PALS1: variants seen among roughly 807,000 people sequenced by gnomAD.
The protein encoded by PALS1 is protein associated with LIN7 1, MAGUK p55 family member.
Under a neutral mutation model 78.9 loss-of-function variants are expected in PALS1, and 31 were observed. That is an observed-to-expected ratio of 0.39 (90% CI 0.30 to 0.53). The LOEUF (loss-of-function observed/expected upper bound fraction) is 0.53, where lower values mean the gene tolerates loss of function less well. Ranked by LOEUF, PALS1 falls within the 20% of genes least tolerant of loss-of-function variation. PALS1 has a pLI of 0.67. For missense variants in PALS1, 704 were observed against 826.5 expected (o/e 0.85, Z 1.82); for synonymous variants, 276 against 270.9 (o/e 1.02, Z -0.18).
At chr14:67,301,165 T>C (rs967599632) in intron 4 of PALS1, among the ~76,000 whole-genome samples, 4 of 152,176 alleles carry the variant, frequency 2.6e-5, no homozygotes, top group Non-Finnish European at 5.9e-5. Flanking sequence ...ATTTTGTCTA[T>C]AGGCGTAAGT....
Position 67,333,764 on chromosome 14 carries a change from T to C in PALS1, c.*808T>C, listed in dbSNP as rs947904155. 6 of 152,614 alleles carry C rather than the reference T, an allele frequency of 3.9e-5. No individual in the cohort carries two copies. The highest frequency in any genetic ancestry group is 8.8e-5 in the Non-Finnish European group (6 of 68,028). The allele number at this position is 152,614 out of a possible 1,614,324, so 9.5% of individuals were successfully genotyped here. A position where few individuals can be genotyped will look rare whatever the true frequency, so the allele number is the denominator to read the frequency against. On this transcript the variant is annotated 3_prime_UTR_variant, in exon 15 of 15. Coordinates refer to ENST00000261681, the MANE Select transcript of PALS1 (RefSeq NM_022474.4). ...CCCTCATCAGCATAGTATAATAGAA[T>C]GTATGTTACATTTTTATGAATGGCA... is the stretch of plus-strand genomic sequence containing the variant.
intron 8 of PALS1, 141 bp downstream of exon 8, chr14:67,303,740 A>C: frequency 1.5e-6 from 1 of 663,786 alleles, no homozygotes; most frequent in Non-Finnish European, 2.6e-6. Flanking sequence ...ATGAAATATC[A>C]ATGTTTTAAA....
chr14:67,327,011 C>G (rs2085368458), intron 14 of PALS1, among the ~76,000 whole-genome samples: 1 of 151,946 alleles, frequency 6.6e-6, no homozygotes, highest in Non-Finnish European at 1.5e-5. Flanking sequence ...CCCGTCTCTA[C>G]TAAAAATACA....
chr14:67,335,520 G>A lies in PALS1; in HGVS notation c.*2564G>A, dbSNP rs2085517383. ...ATTTTCGTTGTCAGAACAAATGGAA[G>A]GAGAATATTATTTAGACTAATCCAG... On this transcript the variant is annotated 3_prime_UTR_variant, in exon 15 of 15. Coordinates refer to ENST00000261681, the MANE Select transcript of PALS1 (RefSeq NM_022474.4). 1 of 152,646 alleles carries A rather than the reference G, an allele frequency of 6.6e-6. No individual in the cohort carries two copies. Among genetic ancestry groups the A allele is most frequent in the Non-Finnish European group, 1.5e-5 (1 of 68,046 alleles). 9.5% of individuals were successfully genotyped at this position (152,646 alleles called of 1,614,324 possible). A position where few individuals can be genotyped will look rare whatever the true frequency, so the allele number is the denominator to read the frequency against.
chr14:67,307,313 A>G (rs566324322), intron 8 of PALS1, among the ~76,000 whole-genome samples: 1 of 152,308 alleles, frequency 6.6e-6, no homozygotes, highest in Non-Finnish European at 1.5e-5. Context: ...ATACTATAAT[A>G]ATATGTAGGG....
rs756259454 is a variant in PALS1, at chr14:67,279,221, A to C, written c.51A>C (p.Glu17Asp). ...ATGTTACAGAGGAATCAGACAGCGAAGTAAAAAATGTTGATCTTGCATCAC... is the reference window on the plus strand; with the variant it reads ...ATGTTACAGAGGAATCAGACAGCGACGTAAAAAATGTTGATCTTGCATCAC... ...NGHVTEESDSEVKNVDLASPE... is the reference protein window; with the variant it reads ...NGHVTEESDSDVKNVDLASPE... Residue 17 changes from glutamate (E) to aspartate (D), a missense_variant, in exon 3 of 15, where the codon GAA (glutamate) becomes GAC (aspartate). Glu to Asp is a conservative substitution (Grantham distance 45, BLOSUM62 2). Coordinates refer to ENST00000261681, the MANE Select transcript of PALS1 (RefSeq NM_022474.4). 1 of 1,612,574 alleles carries C rather than the reference A, an allele frequency of 6.2e-7. No homozygotes were observed.
chr14:67,248,570 C>T (rs1350172597), intron 1 of PALS1, among the ~76,000 whole-genome samples: 1 of 152,156 alleles, frequency 6.6e-6, no homozygotes, highest in Non-Finnish European at 1.5e-5. Context: ...TAGTCTCAAA[C>T]ACCCTCAAAG....
intron 11 of PALS1, 53 bp from the exon 12 acceptor site, chr14:67,320,177 T>G: frequency 1.3e-6 from 2 of 1,556,408 alleles, no homozygotes; most frequent in East Asian, 2.3e-5. Context: ...TATTTATATC[T>G]TTAATACATG....
At chr14:67,244,205 T>A (rs2083950220) in intron 1 of PALS1, among the ~76,000 whole-genome samples, 1 of 152,220 alleles carries the variant, frequency 6.6e-6, no homozygotes, top group Non-Finnish European at 1.5e-5. Context: ...TTAATGAATA[T>A]CTTTGTGTAT....
intron 2 of PALS1, among the ~76,000 whole-genome samples, chr14:67,277,043 G>A (rs118189099): frequency 0.012 from 1,832 of 152,184 alleles, 19 homozygotes; most frequent in Non-Finnish European, 0.018. Flanking sequence ...ATCCACTCCT[G>A]GATTTTTAAA....
intron 1 of PALS1, among the ~76,000 whole-genome samples, chr14:67,251,375 A>G (rs1396743984): frequency 3.3e-5 from 5 of 152,172 alleles, no homozygotes; most frequent in African/African-American, 1.2e-4. Flanking sequence ...TCTACAAAAA[A>G]TACGAAAATT....
rs748740188 is a variant in PALS1, at chr14:67,277,599, T to TG, written c.-153-1418dup. 3.3e-5 allele frequency among the ~76,000 whole-genome samples: 5 copies of TG among 150,996 alleles called. No individual in the cohort carries two copies. In the East Asian group the frequency reaches 9.7e-4, roughly 29 times the overall value. On this transcript the variant is annotated intron_variant, in intron 2 of 14. Transcript: ENST00000261681. ...TACTGTAAATATTATTGCTCTTGAG[T>TG]GAAAAAAAAAAGGCTAATTAGATTT...
At chr14:67,267,970 A>T (rs997136793) in intron 1 of PALS1, among the ~76,000 whole-genome samples, 27 of 151,972 alleles carry the variant, frequency 1.8e-4, no homozygotes, top group African/African-American at 6.0e-4. Context: ...TTTTTTATTT[A>T]TTCATTCCCA....
chr14:67,320,533 T>G, intron 12 of PALS1, 136 bp downstream of exon 12: 1 of 772,014 alleles, frequency 1.3e-6, no homozygotes, highest in Non-Finnish European at 1.9e-6. Context: ...TAACCAAAGA[T>G]TTTGACAATT....
intron 8 of PALS1, among the ~76,000 whole-genome samples, chr14:67,304,522 A>G (rs1463300090): frequency 2.0e-5 from 3 of 152,212 alleles, no homozygotes. Flanking sequence ...AATTATGCTG[A>G]GCGAAGGAAG....
chr14:67,303,225 A>C (rs1301970425), intron 7 of PALS1, among the ~76,000 whole-genome samples: 2 of 152,208 alleles, frequency 1.3e-5, no homozygotes, highest in Non-Finnish European at 2.9e-5. Flanking sequence ...TTTTGAGTGC[A>C]ATTTATGATC....
At chr14:67,282,229 C>CTGTACAT (rs2084617329) in intron 3 of PALS1, among the ~76,000 whole-genome samples, 1 of 152,048 alleles carries the variant, frequency 6.6e-6, no homozygotes, top group Non-Finnish European at 1.5e-5. Context: ...AATCTGCTAA[C>CTGTACAT]ACATCAAACT....
At chr14:67,320,457 C>A in intron 12 of PALS1, 60 bp downstream of exon 12, 2 of 1,443,800 alleles carry the variant, frequency 1.4e-6, no homozygotes, top group South Asian at 3.1e-5. Context: ...CAGAACCTAA[C>A]TATATCATGT....
intron 9 of PALS1, among the ~76,000 whole-genome samples, chr14:67,313,856 T>C (rs1566572564): frequency 1.3e-5 from 2 of 152,120 alleles, no homozygotes; most frequent in African/African-American, 4.8e-5. Flanking sequence ...CTGTATATGC[T>C]CAGTTTATAA....
Sources: allele counts gnomAD v4.1 joint callset (sites outside exome capture counted in the v4.1 genomes callset), GRCh38; gene constraint gnomAD v4.1.1; transcripts MANE v1.5; gene names NCBI Gene and HGNC (gene_info 2026-07-23, HGNC 2026-07-21).